Variants in LOXL1 observed in about 807,000 individuals in gnomAD.
The protein encoded by LOXL1 is lysyl oxidase homolog 1.
Under a neutral mutation model 62.2 loss-of-function variants are expected in LOXL1, and 31 were observed. That is an observed-to-expected ratio of 0.50 (90% confidence interval 0.37 to 0.67). The LOEUF (loss-of-function observed/expected upper bound fraction) is 0.67. LOXL1 is among the 30% of genes least tolerant of loss of function. The pLI is 0.00. For missense variants in LOXL1, 775 were observed against 843.4 expected (o/e 0.92, Z 1.00); for synonymous variants, 403 against 384.4 (o/e 1.05, Z -0.56).
intron 1 of LOXL1, chr15:73,928,226 T>A: frequency 3.7e-6 from 1 of 271,690 alleles, no homozygotes; most frequent in Non-Finnish European, 6.9e-6. Flanking sequence ...AAGGAGCCCC[T>A]CATCCACCTT....
At position 73,934,580 on chromosome 15, in the gene LOXL1, GTGAGGAAATAGGGCAGATATCATCTCA is replaced by G. The variant is rs2068657959; in HGVS notation, c.1102+6707_1102+6733del. 2.6e-5 allele frequency among the ~76,000 whole-genome samples: 4 copies of G among 152,104 alleles called. No individual in the cohort carries two copies. The South Asian group carries it at 8.3e-4, about 31-fold the overall frequency. ...GGCTGCAGAAGGCAGATATCATCTC[GTGAGGAAATAGGGCAGATATCATCTCA>G]TGAGGAAATAGTCATTTAACAAATA... On this transcript the variant is annotated intron_variant, in intron 1 of 6. Transcript: ENST00000261921.
intron 3 of LOXL1, 45 bp from the exon 4 acceptor site, chr15:73,947,022 G>T: frequency 6.5e-7 from 1 of 1,527,504 alleles, no homozygotes; most frequent in South Asian, 1.3e-5. Flanking sequence ...AGAGGCCCAG[G>T]GAAGACTAGG....
chr15:73,943,020 AC>A, intron 2 of LOXL1, 58 bp downstream of exon 2: 1 of 1,389,734 alleles, frequency 7.2e-7, no homozygotes, highest in Non-Finnish European at 1.0e-6. Context: ...GTCACCCAGA[AC>A]CCAGCCTAGC....
intron 6 of LOXL1, 89 bp downstream of exon 6, chr15:73,949,663 A>G (rs2068770825): frequency 1.2e-6 from 1 of 850,536 alleles, no homozygotes; most frequent in Non-Finnish European, 2.0e-6. Flanking sequence ...AGATACCTGC[A>G]CTTTAGGTCA....
rs758947244 is a variant in LOXL1, at chr15:73,947,046, CCTT to C, written c.1350-18_1350-16del. Reference sequence around the variant, plus strand: ...GGGAAGACTAGGCCCTCTTCTTTCTCCTTCTCTCCTCTGCCCCTAGGCATTACC... The same window carrying C: ...GGGAAGACTAGGCCCTCTTCTTTCTCCTCTCCTCTGCCCCTAGGCATTACC... On this transcript the variant is annotated intron_variant, in intron 3 of 6. Coordinates refer to ENST00000261921, the MANE Select transcript of LOXL1 (RefSeq NM_005576.4). 1.3e-6 allele frequency: 2 copies of C among 1,570,892 alleles called. No homozygotes were observed. Among genetic ancestry groups the C allele is most frequent in the African/African-American group, 2.7e-5 (2 of 73,780 alleles).
chr15:73,936,880 G>A (rs2068677214), intron 1 of LOXL1, among the ~76,000 whole-genome samples: 1 of 152,246 alleles, frequency 6.6e-6, no homozygotes, highest in Admixed American at 6.5e-5. Flanking sequence ...AGAGGGCTCG[G>A]GCTCTTGCCC....
intron 1 of LOXL1, among the ~76,000 whole-genome samples, chr15:73,931,616 C>T (rs2068636236): frequency 6.6e-6 from 1 of 152,144 alleles, no homozygotes; most frequent in Non-Finnish European, 1.5e-5. Context: ...AGGGTACCTC[C>T]TTCTCTGTCC....
chr15:73,951,303 G>A (rs2068784661), intron 6 of LOXL1, among the ~76,000 whole-genome samples: 1 of 152,222 alleles, frequency 6.6e-6, no homozygotes, highest in Non-Finnish European at 1.5e-5. Flanking sequence ...GGGCAGCAGG[G>A]GGAGCCAAAG....
At chr15:73,940,076 C>CAT (rs1034803122) in intron 1 of LOXL1, among the ~76,000 whole-genome samples, 3 of 152,152 alleles carry the variant, frequency 2.0e-5, no homozygotes, top group Non-Finnish European at 4.4e-5. Context: ...AGGGCCTGCC[C>CAT]ATAGAATGCC....
intron 1 of LOXL1, among the ~76,000 whole-genome samples, chr15:73,936,364 G>A (rs1417676387): frequency 1.3e-5 from 2 of 152,194 alleles, no homozygotes; most frequent in African/African-American, 4.8e-5. Context: ...CATTTCCTAG[G>A]GAATCGGGCA....
At chr15:73,944,294 C>T (rs564688017) in intron 2 of LOXL1, among the ~76,000 whole-genome samples, 1 of 152,270 alleles carries the variant, frequency 6.6e-6, no homozygotes, top group Non-Finnish European at 1.5e-5. Context: ...ATTAACATCA[C>T]TGCCTCTTCA....
chr15:73,933,676 C>T (rs991789363), intron 1 of LOXL1, among the ~76,000 whole-genome samples: 3 of 152,254 alleles, frequency 2.0e-5, no homozygotes, highest in Admixed American at 1.3e-4. Flanking sequence ...ATTCTACCTC[C>T]TTTCTAAGCT....
In LOXL1 at chr15:73,929,120, A is replaced by G. The variant is rs567264512; in HGVS notation, c.1102+1235A>G. ...GTGTGGCCAGTGCTGGACGGCCATC[A>G]GCCATTCTCTGCTGTCCTAGAATCC... On this transcript the variant is annotated intron_variant, in intron 1 of 6. Transcript: ENST00000261921. Among the ~76,000 whole-genome samples, 6 of 152,354 alleles carry G rather than the reference A, an allele frequency of 3.9e-5. No homozygotes were observed. The South Asian group carries it at 1.2e-3, about 32-fold the overall frequency.
chr15:73,927,799 C>T lies in LOXL1; in HGVS notation c.1016C>T (p.Thr339Met). 7.3e-7 allele frequency: 1 copy of T among 1,376,510 alleles called. No individual in the cohort carries two copies. Among genetic ancestry groups the T allele is most frequent in the Non-Finnish European group, 9.3e-7 (1 of 1,073,634 alleles). The allele number at this position is 1,376,510 out of a possible 1,614,324, so 85.3% of individuals were successfully genotyped here. The change falls in exon 1 of 7, where the codon ACG becomes ATG. Residue 339 changes from threonine to methionine, a missense_variant. By Grantham distance (81) the Thr-to-Met change is moderately conservative. Transcript: ENST00000261921. ...TACCTGCCGGTGCGCAGCTCCGACA[C>T]GCCCCCGCCGGGTGGGGAGCGGAAC... ...PPYLPVRSSD[T>M]PPPGGERNGA...
At position 73,930,188 on chromosome 15, in the gene LOXL1, G is replaced by A. The variant is rs1267444525; in HGVS notation, c.1102+2303G>A. 6.6e-6 allele frequency among the ~76,000 whole-genome samples: 1 copy of A among 152,254 alleles called. No individual in the cohort carries two copies. Among genetic ancestry groups the A allele is most frequent in the Non-Finnish European group, 1.5e-5 (1 of 68,038 alleles). ...GCATCTCAGTGCTGTGATTAGGCAA[G>A]CATTGGTGGGGCCAGGGGCTTTGTG... On this transcript the variant is annotated intron_variant, in intron 1 of 6. Coordinates refer to ENST00000261921, the MANE Select transcript of LOXL1 (RefSeq NM_005576.4). The surrounding 1 kb of genome is among the most constrained non-coding windows in gnomAD (Gnocchi z 4.7).
intron 1 of LOXL1, among the ~76,000 whole-genome samples, chr15:73,938,467 T>A (rs796150706): frequency 2.0e-5 from 3 of 151,400 alleles, no homozygotes; most frequent in African/African-American, 7.3e-5. Flanking sequence ...CCTCAGCACT[T>A]TGGGAGGCTA....
rs760519400 is a variant in LOXL1, at chr15:73,949,588, C to T, written c.1718+14C>T. 6.4e-7 allele frequency: 1 copy of T among 1,563,706 alleles called. No homozygotes were observed. ...CAAAATTGTCCAGTAAGAGTTTGCC[C>T]ACCACCCTTCCTGGCTCCGTCCCTT... On this transcript the variant is annotated intron_variant, in intron 6 of 6. Transcript: ENST00000261921.
chr15:73,927,003 C>G lies in LOXL1; in HGVS notation c.220C>G (p.Arg74Gly). 6.8e-7 allele frequency: 1 copy of G among 1,461,738 alleles called. No individual in the cohort carries two copies. The highest frequency in any genetic ancestry group is 9.1e-7 in the Non-Finnish European group (1 of 1,097,770). The allele number at this position is 1,461,738 out of a possible 1,614,324, so 90.5% of individuals were successfully genotyped here. The change falls in exon 1 of 7, where the codon CGG becomes GGG. Residue 74 changes from arginine (R) to glycine (G), a missense_variant. Arg to Gly is a moderately radical substitution (Grantham distance 125, BLOSUM62 -2). Transcript: ENST00000261921. ...AGPQRSESSSRVLLAGAPQAQ... is the reference protein window; with the variant it reads ...AGPQRSESSSGVLLAGAPQAQ... Reference sequence around the variant, plus strand: ...ACCTCAGCGCTCCGAGAGTAGCTCCCGGGTGCTGCTGGCCGGCGCGCCCCA... The same window carrying G: ...ACCTCAGCGCTCCGAGAGTAGCTCCGGGGTGCTGCTGGCCGGCGCGCCCCA...
intron 1 of LOXL1, among the ~76,000 whole-genome samples, chr15:73,933,905 C>T (rs2068652540): frequency 6.6e-6 from 1 of 152,388 alleles, no homozygotes; most frequent in African/African-American, 2.4e-5. Context: ...CCACAGGCAG[C>T]TGGACCAAGG....
Sources: allele counts gnomAD v4.1 joint callset (sites outside exome capture counted in the v4.1 genomes callset), GRCh38; gene constraint gnomAD v4.1.1; non-coding constraint Gnocchi (gnomAD v3.1); transcripts MANE v1.5; gene names NCBI Gene and HGNC (gene_info 2026-07-23, HGNC 2026-07-21).